The following OSBP2 variants were observed in gnomAD, a reference collection of about 807,000 sequenced individuals.
OSBP2 encodes the protein oxysterol binding protein 2, also known as oxysterol-binding protein 2.
Under a neutral mutation model 96.0 loss-of-function variants are expected in OSBP2, and 66 were observed. That is an observed-to-expected ratio of 0.69 (90% CI 0.56 to 0.84). The LOEUF (loss-of-function observed/expected upper bound fraction) is 0.84. Among genes scored for constraint, OSBP2 ranks in the 40% least tolerant of loss-of-function variants. OSBP2 has a pLI of 0.00. For missense variants in OSBP2, 1,038 were observed against 1,222.7 expected (o/e 0.85, Z 2.25); for synonymous variants, 525 against 520.9 (o/e 1.01, Z -0.11).
At chr22:30,699,716 A>G (rs962098703) in intron 1 of OSBP2, among the ~76,000 whole-genome samples, 6 of 152,148 alleles carry the variant, frequency 3.9e-5, no homozygotes, top group Non-Finnish European at 7.3e-5. Flanking sequence ...TCACTTCCTC[A>G]GGTACTTCTG....
intron 1 of OSBP2, among the ~76,000 whole-genome samples, chr22:30,698,727 T>C (rs1351977265): frequency 6.6e-6 from 1 of 152,048 alleles, no homozygotes; most frequent in Non-Finnish European, 1.5e-5. Context: ...CATGAGCCAC[T>C]GCACCTGGCC....
At chr22:30,772,061 C>T (rs183125647) in intron 2 of OSBP2, among the ~76,000 whole-genome samples, 6 of 152,358 alleles carry the variant, frequency 3.9e-5, no homozygotes, top group Non-Finnish European at 8.8e-5. Flanking sequence ...CAGACAGCCG[C>T]AAGCCAGAGA....
chr22:30,714,050 C>T (rs1265043259), intron 1 of OSBP2, among the ~76,000 whole-genome samples: 1 of 152,126 alleles, frequency 6.6e-6, no homozygotes, highest in Admixed American at 6.6e-5. Flanking sequence ...CCAACCTCTC[C>T]TTCTCCCCCA....
At chr22:30,695,601 T>C in intron 1 of OSBP2, 48 bp downstream of exon 1, 1 of 1,562,510 alleles carries the variant, frequency 6.4e-7, no homozygotes, top group Non-Finnish European at 8.6e-7. Flanking sequence ...GTGGTGATGC[T>C]GCAGGGATGG....
chr22:30,774,149 G>T (rs1382079805), intron 2 of OSBP2, among the ~76,000 whole-genome samples: 1 of 152,220 alleles, frequency 6.6e-6, no homozygotes, highest in Non-Finnish European at 1.5e-5. Flanking sequence ...CCCCAGGGGG[G>T]CTGGGCCCTT....
At chr22:30,812,347 G>T (rs2091020503) in intron 2 of OSBP2, among the ~76,000 whole-genome samples, 1 of 151,940 alleles carries the variant, frequency 6.6e-6, no homozygotes, top group African/African-American at 2.4e-5. Flanking sequence ...TGTATTTTTG[G>T]TAGAGACAGG....
At chr22:30,775,042 C>T (rs2090411513) in intron 2 of OSBP2, among the ~76,000 whole-genome samples, 1 of 152,146 alleles carries the variant, frequency 6.6e-6, no homozygotes, top group Non-Finnish European at 1.5e-5. Flanking sequence ...CCCATTATTA[C>T]TATTTTAATA....
chr22:30,902,417 G>A, intron 12 of OSBP2: 1 of 1,573,696 alleles, frequency 6.4e-7, no homozygotes, highest in South Asian at 1.1e-5. Context: ...GCACTGTTGG[G>A]CAATCAGTCA....
intron 1 of OSBP2, among the ~76,000 whole-genome samples, chr22:30,701,339 C>A (rs375072724): frequency 7.2e-6 from 1 of 139,348 alleles, no homozygotes; most frequent in East Asian, 2.3e-4. Flanking sequence ...TTTTCTTTTT[C>A]TTTTCTTTTT....
At chr22:30,902,271 T>A in intron 12 of OSBP2, 1 of 1,588,478 alleles carries the variant, frequency 6.3e-7, no homozygotes, top group East Asian at 2.2e-5. Context: ...CAGGGCGACA[T>A]AGATGCTATC....
intron 1 of OSBP2, among the ~76,000 whole-genome samples, chr22:30,696,634 C>T (rs993662165): frequency 2.0e-5 from 3 of 152,128 alleles, no homozygotes; most frequent in Admixed American, 6.6e-5. Flanking sequence ...CTTCAAGTCA[C>T]CCACTACAGG....
intron 2 of OSBP2, among the ~76,000 whole-genome samples, chr22:30,792,407 A>G (rs946652794): frequency 9.9e-5 from 15 of 152,160 alleles, no homozygotes; most frequent in Admixed American, 5.2e-4. Flanking sequence ...CATCTGCAGT[A>G]TTGTTTACAG....
At chr22:30,905,497 GTC>G (rs1372013876) in intron 12 of OSBP2, among the ~76,000 whole-genome samples, 1 of 151,906 alleles carries the variant, frequency 6.6e-6, no homozygotes, top group Non-Finnish European at 1.5e-5. Flanking sequence ...GAGTGAAACT[GTC>G]TCAAAAAAGA....
At position 30,698,662 on chromosome 22, in the gene OSBP2, A is replaced by T. The variant is rs138536759; in HGVS notation, c.644+3109A>T. Reference sequence around the variant, plus strand: ...ACCATATTGGCCGGGATGGTCTCAAACTCCTGACTTCGTGATCTGCCCGCC... The same window carrying T: ...ACCATATTGGCCGGGATGGTCTCAATCTCCTGACTTCGTGATCTGCCCGCC... On this transcript the variant is annotated intron_variant, in intron 1 of 13. Transcript: ENST00000332585. 2.2e-3 allele frequency among the ~76,000 whole-genome samples: 334 copies of T among 151,668 alleles called. 2 individuals carry two copies. The highest frequency in any genetic ancestry group is 0.022 in the South Asian group (104 of 4,808).
chr22:30,747,136 C>T (rs1042612679), intron 2 of OSBP2, among the ~76,000 whole-genome samples: 26 of 152,272 alleles, frequency 1.7e-4, no homozygotes, highest in African/African-American at 6.0e-4. Flanking sequence ...TCATGATGAA[C>T]ACACTCAGCA....
At chr22:30,902,124 ACGAAAAAAAAAAAAC>A (rs1286232903) in intron 12 of OSBP2, 2 of 180,570 alleles carry the variant, frequency 1.1e-5, no homozygotes, top group African/African-American at 9.4e-5. Flanking sequence ...AAAAAAAAAA[ACGAAAAAAAAAAAAC>A]CAAAAAAAAA....
At chr22:30,801,141 A>T (rs960866265) in intron 2 of OSBP2, among the ~76,000 whole-genome samples, 1 of 152,184 alleles carries the variant, frequency 6.6e-6, no homozygotes, top group African/African-American at 2.4e-5. Context: ...GGTGTTTGGG[A>T]GGTGATTGTG....
intron 2 of OSBP2, among the ~76,000 whole-genome samples, chr22:30,771,992 G>T (rs1055212372): frequency 6.6e-6 from 1 of 152,216 alleles, no homozygotes; most frequent in Non-Finnish European, 1.5e-5. Flanking sequence ...GGTGTGCACA[G>T]TGCCACATCA....
At chr22:30,874,425 A>G (rs1483465974) in intron 3 of OSBP2, among the ~76,000 whole-genome samples, 2 of 152,178 alleles carry the variant, frequency 1.3e-5, no homozygotes, top group Non-Finnish European at 2.9e-5. Flanking sequence ...AAAAAGAAAA[A>G]AGAAAAAAAG....
Sources: allele counts gnomAD v4.1 joint callset (sites outside exome capture counted in the v4.1 genomes callset), GRCh38; gene constraint gnomAD v4.1.1; transcripts MANE v1.5; gene names NCBI Gene and HGNC (gene_info 2026-07-23, HGNC 2026-07-21).